The following ERG variants were observed in gnomAD, a reference collection of about 807,000 sequenced individuals.
The protein encoded by ERG is ETS transcription factor ERG.
Under a neutral mutation model 55.3 loss-of-function variants are expected in ERG, and 9 were observed. The ratio of observed to expected loss-of-function variants is 0.16; its 90% CI spans 0.10 to 0.28. ERG has a LOEUF of 0.28. Ranked by LOEUF, ERG falls within the 10% of genes least tolerant of loss-of-function variation. ERG has a pLI of 1.00. For missense variants in ERG, 434 were observed against 631.6 expected, an observed-to-expected ratio of 0.69 and a Z score of 3.35; for synonymous variants, 223 against 237.3, an observed-to-expected ratio of 0.94 and a Z score of 0.55.
rs2059331055 is a variant in ERG, at chr21:38,491,047, C to A, written c.18+7316G>T. 2.6e-5 allele frequency among the ~76,000 whole-genome samples: 4 copies of A among 152,212 alleles called. No individual in the cohort carries two copies. In the South Asian group the frequency reaches 8.3e-4, roughly 32 times the overall value. On this transcript the variant is annotated intron_variant, in intron 1 of 9. Coordinates refer to ENST00000288319, the MANE Select transcript of ERG (RefSeq NM_182918.4). ...TGGATCCAAAGAGGACTACGCAATG[C>A]AAAACCACATACTTTTTTTTTCTTT...
chr21:38,562,583 A>G (rs1047641975), intron 2 of ERG, among the ~76,000 whole-genome samples: 4 of 152,228 alleles, frequency 2.6e-5, no homozygotes, highest in African/African-American at 9.6e-5. Flanking sequence ...TCCTGCATGC[A>G]AAAGTACAGA....
intron 5 of ERG, 49 bp from the exon 6 acceptor site, chr21:38,400,694 G>T: frequency 1.4e-6 from 2 of 1,445,338 alleles, no homozygotes; most frequent in Admixed American, 1.8e-5. Context: ...TGTTGTGGTT[G>T]TCGATCTCAA....
In ERG at chr21:38,381,598, G is replaced by A. The variant is rs1987439190; in HGVS notation, c.*1805C>T. ...AAAGTGAGAAATTGCAGCTATCCAT[G>A]ACGCTTTATTTGCCAGTAATAATAC... On this transcript the variant is annotated 3_prime_UTR_variant, in exon 10 of 10. Transcript: ENST00000288319. The A allele has an allele frequency of 9.4e-7, 1 of 1,063,136 alleles. No homozygotes were observed. The highest frequency in any genetic ancestry group is 5.1e-5 in the East Asian group (1 of 19,782). The allele number at this position is 1,063,136 out of a possible 1,614,324, so 65.9% of individuals were successfully genotyped here. A position where few individuals can be genotyped will look rare whatever the true frequency, so the allele number is the denominator to read the frequency against.
At chr21:38,622,981 T>C (rs418259) in intron 1 of ERG, among the ~76,000 whole-genome samples, 144,533 of 145,010 alleles carry the variant, frequency 1, 72,028 homozygotes, top group Middle Eastern at 1. Flanking sequence ...GTCACACACA[T>C]TTTACATACA....
chr21:38,377,217 C>T (rs1350532333), downstream of ERG, among the ~76,000 whole-genome samples: 1 of 152,166 alleles, frequency 6.6e-6, no homozygotes, highest in African/African-American at 2.4e-5. Context: ...TGGCACTAAG[C>T]TATTATTATT....
At chr21:38,561,981 T>C (rs1322460722) in intron 2 of ERG, among the ~76,000 whole-genome samples, 1 of 152,162 alleles carries the variant, frequency 6.6e-6, no homozygotes, top group Non-Finnish European at 1.5e-5. Flanking sequence ...TTTAAAATAA[T>C]AAAAAAACTT....
chr21:38,566,487 GC>G (rs2059923999), intron 2 of ERG, among the ~76,000 whole-genome samples: 1 of 152,148 alleles, frequency 6.6e-6, no homozygotes, highest in Non-Finnish European at 1.5e-5. Context: ...CTAACCCTAA[GC>G]AAAATTATTG....
At chr21:38,572,709 C>A (rs1170191308) in intron 2 of ERG, among the ~76,000 whole-genome samples, 1 of 152,204 alleles carries the variant, frequency 6.6e-6, no homozygotes, top group Non-Finnish European at 1.5e-5. Flanking sequence ...TCTCCAAACA[C>A]ACAGAAGCCA....
chr21:38,646,449 G>A (rs964746549), intron 1 of ERG, among the ~76,000 whole-genome samples: 2 of 152,166 alleles, frequency 1.3e-5, no homozygotes, highest in African/African-American at 4.8e-5. Context: ...GATGAGGAGA[G>A]ACTCAAACAG....
At chr21:38,406,366 T>G (rs764006423) in intron 3 of ERG, among the ~76,000 whole-genome samples, 12 of 152,222 alleles carry the variant, frequency 7.9e-5, no homozygotes, top group Non-Finnish European at 1.2e-4. Context: ...TCCAGTTCAC[T>G]GAAGTTCAGA....
chr21:38,536,101 G>C (rs2059708043), intron 2 of ERG, among the ~76,000 whole-genome samples: 2 of 152,048 alleles, frequency 1.3e-5, no homozygotes, highest in Admixed American at 1.3e-4. Flanking sequence ...CCTAGGGATG[G>C]AGTACATGTG....
At chr21:38,576,736 G>A (rs1002220611) in intron 1 of ERG, among the ~76,000 whole-genome samples, 26 of 152,182 alleles carry the variant, frequency 1.7e-4, no homozygotes, top group African/African-American at 6.0e-4. Flanking sequence ...GTTGGTTGAC[G>A]TGGCCCCCTC....
At chr21:38,370,652 GTTGT>G in the ERG span, among the ~76,000 whole-genome samples, 4 of 151,740 alleles carry the variant, frequency 2.6e-5, no homozygotes, top group African/African-American at 4.8e-5. Flanking sequence ...AAGATTTCTA[GTTGT>G]TTGGCCTCAT....
In ERG at chr21:38,380,544, C is replaced by G; in HGVS notation, c.*2859G>C. On this transcript the variant is annotated 3_prime_UTR_variant, in exon 10 of 10. Transcript: ENST00000288319. ...ACAGGAGTCTGAGTATACATCAGGGCAAGCCAAGAGACAGGGACAAACAGA... is the reference window on the plus strand; with the variant it reads ...ACAGGAGTCTGAGTATACATCAGGGGAAGCCAAGAGACAGGGACAAACAGA... 9.4e-7 allele frequency: 1 copy of G among 1,065,794 alleles called. No homozygotes were observed. Among genetic ancestry groups the G allele is most frequent in the Non-Finnish European group, 1.1e-6 (1 of 879,604 alleles). The allele number at this position is 1,065,794 out of a possible 1,614,324, so 66.0% of individuals were successfully genotyped here.
chr21:38,526,798 G>A (rs964659979), intron 2 of ERG, among the ~76,000 whole-genome samples: 1 of 151,984 alleles, frequency 6.6e-6, no homozygotes, highest in African/African-American at 2.4e-5. Flanking sequence ...AAAATAAAAT[G>A]AATAAAATAC....
At chr21:38,409,255 G>A (rs975710429) in intron 3 of ERG, among the ~76,000 whole-genome samples, 13 of 152,054 alleles carry the variant, frequency 8.5e-5, no homozygotes, top group Admixed American at 5.9e-4. Context: ...AGGCCAAGGC[G>A]GGTGGATCAC....
intron 2 of ERG, among the ~76,000 whole-genome samples, chr21:38,525,783 G>T (rs1305661209): frequency 6.6e-6 from 1 of 152,192 alleles, no homozygotes; most frequent in East Asian, 1.9e-4. Flanking sequence ...AGCCCAAGTC[G>T]CAAAGTCTTT....
intron 1 of ERG, among the ~76,000 whole-genome samples, chr21:38,493,602 C>T (rs2059355556): frequency 6.6e-6 from 1 of 152,154 alleles, no homozygotes; most frequent in African/African-American, 2.4e-5. Context: ...TGGGGTATTC[C>T]AGGGTGCTGT....
chr21:38,624,081 A>G (rs1162224973), intron 1 of ERG, among the ~76,000 whole-genome samples: 2 of 152,200 alleles, frequency 1.3e-5, no homozygotes, highest in Non-Finnish European at 2.9e-5. Context: ...AGCCTTCAAG[A>G]AAACCTCCTC....
Sources: allele counts gnomAD v4.1 joint callset (sites outside exome capture counted in the v4.1 genomes callset), GRCh38; gene constraint gnomAD v4.1.1; transcripts MANE v1.5; gene names NCBI Gene and HGNC (gene_info 2026-07-23, HGNC 2026-07-21).